The following FYTTD1 variants were observed in gnomAD, a reference collection of about 807,000 sequenced individuals.
FYTTD1 encodes UAP56-interacting factor.
FYTTD1 carries 22 observed loss-of-function variants against 40.9 expected under a neutral mutation model. That is an observed-to-expected ratio of 0.54 (90% CI 0.38 to 0.77). The LOEUF (loss-of-function observed/expected upper bound fraction) is 0.77. Ranked by LOEUF, FYTTD1 falls within the 30% of genes least tolerant of loss-of-function variation. The pLI is 0.00. For missense variants in FYTTD1, 351 were observed against 392.2 expected, an observed-to-expected ratio of 0.90 and a Z score of 0.89; for synonymous variants, 140 against 137.9, an observed-to-expected ratio of 1.01 and a Z score of -0.10.
intron 1 of FYTTD1, chr3:197,755,861 G>A: frequency 6.5e-7 from 1 of 1,548,792 alleles, no homozygotes; most frequent in Non-Finnish European, 8.7e-7. Context: ...AGGCTTCTGT[G>A]TTTTTGGGAA....
In FYTTD1 at chr3:197,756,558, G is replaced by A; in HGVS notation, c.235+1G>A. 1.2e-6 allele frequency: 2 copies of A among 1,613,534 alleles called. No homozygotes were observed. The highest frequency in any genetic ancestry group is 1.7e-6 in the Non-Finnish European group (2 of 1,179,490). On this transcript the variant is annotated splice_donor_variant, in intron 2 of 8. Transcript: ENST00000241502. LOFTEE classifies it high-confidence loss of function. ...CGATGGGGAATCCAACAGAATTCTG[G>A]TAAGTTTTGAAAGTAAGCTTTAATG...
chr3:197,774,256 A>G, intron 6 of FYTTD1, 46 bp downstream of exon 6: 3 of 1,419,962 alleles, frequency 2.1e-6, no homozygotes, highest in East Asian at 2.3e-5. Flanking sequence ...AAACTCCCAG[A>G]ATACTAACTA....
intron 1 of FYTTD1, chr3:197,750,386 G>A: frequency 9.2e-7 from 1 of 1,091,834 alleles, no homozygotes; most frequent in Middle Eastern, 4.0e-4. Context: ...TCCCCGGAGG[G>A]GCTACGGCTC....
intron 4 of FYTTD1, among the ~76,000 whole-genome samples, chr3:197,770,728 T>A (rs1421619094): frequency 6.6e-6 from 1 of 151,990 alleles, no homozygotes; most frequent in African/African-American, 2.4e-5. Context: ...TTTTTTTTTT[T>A]TAATAGAGAC....
intron 8 of FYTTD1, among the ~76,000 whole-genome samples, chr3:197,779,165 A>G (rs1414728351): frequency 6.6e-6 from 1 of 152,226 alleles, no homozygotes; most frequent in African/African-American, 2.4e-5. Flanking sequence ...CTGTAATCCC[A>G]GCACTTTGGG....
chr3:197,774,149 G>A lies in FYTTD1; in HGVS notation c.595G>A (p.Val199Met), dbSNP rs1167955676. Reference sequence around the variant, plus strand: ...CCTACTGCTTTTTTTTTCCCTTCAGGTGCAGGCCCAGTTGAATACAGAACA... The same window carrying A: ...CCTACTGCTTTTTTTTTCCCTTCAGATGCAGGCCCAGTTGAATACAGAACA... ...ATFLFRRGLK[V>M]QAQLNTEQLL... The change falls in exon 6 of 9, where the codon GTG (valine) becomes ATG (methionine). Residue 199 changes from valine to methionine, a missense_variant and splice_region_variant. Val to Met is a conservative substitution (Grantham distance 21). Transcript: ENST00000241502. The A allele has an allele frequency of 5.6e-6, 9 of 1,613,326 alleles. No individual in the cohort carries two copies. Among genetic ancestry groups the A allele is most frequent in the Non-Finnish European group, 7.6e-6 (9 of 1,179,486 alleles).
chr3:197,773,617 G>T (rs1729781764), intron 5 of FYTTD1, 118 bp downstream of exon 5: 2 of 607,768 alleles, frequency 3.3e-6, no homozygotes, highest in South Asian at 4.2e-5. Context: ...AGGATGTGAG[G>T]CACGTGGTAG....
intron 2 of FYTTD1, among the ~76,000 whole-genome samples, chr3:197,761,233 C>T (rs765310068): frequency 6.6e-6 from 1 of 151,364 alleles, no homozygotes; most frequent in African/African-American, 2.4e-5. Flanking sequence ...TATACTTGTT[C>T]TTCAGTGGTA....
intron 2 of FYTTD1, among the ~76,000 whole-genome samples, chr3:197,758,605 C>CT (rs1212962825): frequency 1.3e-5 from 2 of 152,112 alleles, no homozygotes; most frequent in Non-Finnish European, 2.9e-5. Context: ...AAAAGCTTTC[C>CT]TTTTATGGAT....
Position 197,785,283 on chromosome 3 carries a change from C to G in FYTTD1, c.*3374C>G, listed in dbSNP as rs543189542. On this transcript the variant is annotated 3_prime_UTR_variant, in exon 9 of 9. Coordinates refer to ENST00000241502, the MANE Select transcript of FYTTD1 (RefSeq NM_032288.7). Reference sequence around the variant, plus strand: ...TTCCAGGACCCTTGTATATACCCAACCCTGCGCAATACTGAAGTCCCACAT... The same window carrying G: ...TTCCAGGACCCTTGTATATACCCAAGCCTGCGCAATACTGAAGTCCCACAT... The G allele has an allele frequency of 6.6e-6, 1 of 152,324 alleles. No individual in the cohort carries two copies. Among genetic ancestry groups the G allele is most frequent in the South Asian group, 2.1e-4 (1 of 4,826 alleles). The allele number at this position is 152,324 out of a possible 1,614,324, so 9.4% of individuals were successfully genotyped here.
At chr3:197,761,966 G>A (rs1282898680) in intron 2 of FYTTD1, among the ~76,000 whole-genome samples, 1 of 152,198 alleles carries the variant, frequency 6.6e-6, no homozygotes, top group African/African-American at 2.4e-5. Flanking sequence ...TCTGGTGAGA[G>A]TTCTCTTCCA....
chr3:197,750,410 T>A (rs1289901037), intron 1 of FYTTD1: 1 of 1,048,620 alleles, frequency 9.5e-7, no homozygotes, highest in Non-Finnish European at 1.1e-6. Context: ...GCTCGCCGGC[T>A]CTTTGTGAGG....
chr3:197,753,655 G>T, intron 1 of FYTTD1, among the ~76,000 whole-genome samples: 1 of 151,842 alleles, frequency 6.6e-6, no homozygotes. Flanking sequence ...TGAAGATATA[G>T]GTAGTAAAAT....
intron 6 of FYTTD1, among the ~76,000 whole-genome samples, chr3:197,774,695 C>G (rs573251661): frequency 2.0e-5 from 3 of 150,788 alleles, no homozygotes; most frequent in Non-Finnish European, 4.4e-5. Context: ...AGCAGCATAG[C>G]TCGATCGCCA....
intron 8 of FYTTD1, among the ~76,000 whole-genome samples, chr3:197,781,214 T>G (rs769291901): frequency 2.8e-4 from 42 of 151,788 alleles, no homozygotes; most frequent in Non-Finnish European, 5.0e-4. Flanking sequence ...CTCGGGAGGC[T>G]GAGGTGGGAG....
chr3:197,779,812 TATGCAGGCACACACCATACCTGGGG>T (rs1277460897), intron 8 of FYTTD1, among the ~76,000 whole-genome samples: 8 of 117,630 alleles, frequency 6.8e-5, no homozygotes, highest in Non-Finnish European at 1.0e-4. Flanking sequence ...CACACCTGGG[TATGCAGGCACACACCATACCTGGGG>T]ATGCAGGCAC....
At position 197,774,172 on chromosome 3, in the gene FYTTD1, A is replaced by G. The variant is rs554922150; in HGVS notation, c.618A>G (p.Glu206=). 1 of 1,614,124 alleles carries G rather than the reference A, an allele frequency of 6.2e-7. No homozygotes were observed. Among genetic ancestry groups the G allele is most frequent in the Non-Finnish European group, 8.5e-7 (1 of 1,179,920 alleles). Residue 206 remains glutamate (E), a synonymous_variant, in exon 6 of 9, where the codon GAA becomes GAG. Coordinates refer to ENST00000241502, the MANE Select transcript of FYTTD1 (RefSeq NM_032288.7). ...GLKVQAQLNT[E]QLLDDVVAKR... is the part of the protein sequence containing the mutation. ...AGGTGCAGGCCCAGTTGAATACAGAACAACTGCTAGACGATGTAGTAGCAA... is the reference window on the plus strand; with the variant it reads ...AGGTGCAGGCCCAGTTGAATACAGAGCAACTGCTAGACGATGTAGTAGCAA...
At chr3:197,776,872 C>T in intron 6 of FYTTD1, 55 bp from the exon 7 acceptor site, 4 of 1,162,308 alleles carry the variant, frequency 3.4e-6, no homozygotes, top group Non-Finnish European at 3.8e-6. Flanking sequence ...TTTGAATATA[C>T]ATAGGGTTTA....
rs1730155770 is a variant in FYTTD1 at position 197,786,326 on chromosome 3, G to C, written c.*4417G>C. On this transcript the variant is annotated 3_prime_UTR_variant, in exon 9 of 9. Transcript: ENST00000241502. ...GACGGGGTTTCTCCATGTTGGTCAG[G>C]CTGGTCTCAAACTCCTGACTTCAGG... is the stretch of plus-strand genomic sequence containing the variant. The C allele has an allele frequency of 6.6e-6, 1 of 152,006 alleles. No homozygotes were observed. The highest frequency in any genetic ancestry group is 1.5e-5 in the Non-Finnish European group (1 of 68,058). 9.4% of individuals were successfully genotyped at this position (152,006 alleles called of 1,614,324 possible).
Sources: gnomAD v4.1 joint callset for allele counts (sites outside exome capture counted in the v4.1 genomes callset) on GRCh38, gnomAD v4.1.1 for gene constraint, MANE v1.5 for transcripts, NCBI Gene and HGNC (gene_info 2026-07-23, HGNC 2026-07-21) for gene names.